Variants in MORC1 observed in about 807,000 individuals in gnomAD.
MORC1 encodes the protein MORC family CW-type zinc finger 1.
MORC1 carries 59 observed loss-of-function variants against 134.9 expected under a neutral mutation model. The observed-to-expected ratio is 0.44, with a 90% CI of 0.35 to 0.54. The LOEUF (loss-of-function observed/expected upper bound fraction) is 0.54, where lower values mean the gene tolerates loss of function less well. Ranked by LOEUF, MORC1 falls within the 20% of genes least tolerant of loss-of-function variation. The pLI is 0.00. For missense variants in MORC1, 947 were observed against 1,134.5 expected, an observed-to-expected ratio of 0.83 and a Z score of 2.37; for synonymous variants, 395 against 391.7, an observed-to-expected ratio of 1.01 and a Z score of -0.10.
In MORC1 at chr3:109,069,099, T is replaced by C. The variant is rs150690556; in HGVS notation, c.815+533A>G. ...TGAACCAGGGAGGCAGAGGTTGCACTGAACCAAGATTGTGCCACTGCACTC... is the reference window on the plus strand; with the variant it reads ...TGAACCAGGGAGGCAGAGGTTGCACCGAACCAAGATTGTGCCACTGCACTC... On this transcript the variant is annotated intron_variant, in intron 9 of 27. Transcript: ENST00000232603. 4.2e-3 allele frequency among the ~76,000 whole-genome samples: 640 copies of C among 152,288 alleles called. 1 individual carries two copies. Among genetic ancestry groups the C allele is most frequent in the African/African-American group, 5.0e-3 (209 of 41,564 alleles).
intron 1 of MORC1, 112 bp downstream of exon 1, chr3:109,117,883 T>A (rs548994711): frequency 1.1e-6 from 1 of 875,542 alleles, no homozygotes; most frequent in South Asian, 1.5e-5. Context: ...AATAAATAAA[T>A]AAATCCATAA....
At position 109,064,134 on chromosome 3, in the gene MORC1, T is replaced by C. The variant is rs114990747; in HGVS notation, c.816-903A>G. On this transcript the variant is annotated intron_variant, in intron 9 of 27. Coordinates refer to ENST00000232603, the MANE Select transcript of MORC1 (RefSeq NM_014429.4). ...TTATGTTTAAAAAAACCTGTGTGTG[T>C]ATGCATGCGTGTGTACATATATATA... 5.1e-3 allele frequency among the ~76,000 whole-genome samples: 775 copies of C among 152,232 alleles called. 16 individuals carry two copies. The highest frequency in any genetic ancestry group is 0.018 in the African/African-American group (743 of 41,554).
chr3:109,005,957 A>G (rs1948529797), intron 18 of MORC1, among the ~76,000 whole-genome samples: 2 of 152,074 alleles, frequency 1.3e-5, no homozygotes, highest in Admixed American at 6.6e-5. Flanking sequence ...CACATAAACC[A>G]CCAACATTTT....
At chr3:109,006,070 T>C (rs1488437166) in intron 18 of MORC1, among the ~76,000 whole-genome samples, 1 of 152,264 alleles carries the variant, frequency 6.6e-6, no homozygotes, top group Non-Finnish European at 1.5e-5. Context: ...GATGACATGT[T>C]ACAATCTATT....
chr3:109,007,960 T>C (rs1427919109), intron 17 of MORC1, among the ~76,000 whole-genome samples: 1 of 152,140 alleles, frequency 6.6e-6, no homozygotes, highest in Non-Finnish European at 1.5e-5. Context: ...TGTGTGTGTG[T>C]GTGTATACAT....
chr3:109,094,340 T>C (rs923285544), intron 7 of MORC1, among the ~76,000 whole-genome samples: 1 of 152,146 alleles, frequency 6.6e-6, no homozygotes, highest in Non-Finnish European at 1.5e-5. Flanking sequence ...CAAGGGAGAA[T>C]AGCATAGTAG....
intron 4 of MORC1, among the ~76,000 whole-genome samples, chr3:109,101,051 G>C (rs1301616644): frequency 6.6e-6 from 1 of 152,222 alleles, no homozygotes; most frequent in African/African-American, 2.4e-5. Context: ...TGTGGCCTTA[G>C]GTAGAGTTTA....
intron 23 of MORC1, among the ~76,000 whole-genome samples, chr3:108,982,702 A>C (rs1947769365): frequency 1.3e-5 from 2 of 149,178 alleles, no homozygotes. Flanking sequence ...CACGTTGTGC[A>C]CATGTACCCT....
Position 109,054,891 on chromosome 3 carries a change from A to C in MORC1, c.1176-9T>G. 6.3e-7 allele frequency: 1 copy of C among 1,585,058 alleles called. No homozygotes were observed. Among genetic ancestry groups the C allele is most frequent in the African/African-American group, 1.4e-5 (1 of 73,066 alleles). ...CCACGCCTGCGCCAAGTCTGAGAAA[A>C]TATATGCATATTTAAATTTTGAAAA... On this transcript the variant is annotated splice_polypyrimidine_tract_variant and intron_variant, in intron 13 of 27. Transcript: ENST00000232603.
chr3:109,095,500 G>A (rs1190761912), intron 6 of MORC1, among the ~76,000 whole-genome samples: 1 of 152,078 alleles, frequency 6.6e-6, no homozygotes, highest in African/African-American at 2.4e-5. Context: ...GTTGGGGTAG[G>A]GGGAGAAGAG....
intron 12 of MORC1, among the ~76,000 whole-genome samples, chr3:109,057,789 T>C (rs991642272): frequency 2.0e-5 from 3 of 152,228 alleles, no homozygotes; most frequent in Non-Finnish European, 2.9e-5. Flanking sequence ...TATAGGTACA[T>C]TGCAGCATTT....
chr3:109,015,958 C>T (rs1948808019), intron 17 of MORC1, among the ~76,000 whole-genome samples: 2 of 152,116 alleles, frequency 1.3e-5, no homozygotes. Flanking sequence ...GGAATATTTG[C>T]ATATATATAA....
intron 3 of MORC1, among the ~76,000 whole-genome samples, chr3:109,105,631 A>T (rs1951017338): frequency 6.6e-6 from 1 of 151,628 alleles, no homozygotes; most frequent in African/African-American, 2.4e-5. Context: ...GTAAGCTATG[A>T]TCACACCACT....
At chr3:109,010,962 C>T (rs531516910) in intron 17 of MORC1, among the ~76,000 whole-genome samples, 25 of 152,284 alleles carry the variant, frequency 1.6e-4, no homozygotes, top group African/African-American at 5.8e-4. Context: ...AGTATAAGCA[C>T]ACATGTACAA....
At chr3:109,110,888 G>C in intron 2 of MORC1, 105 bp from the exon 3 acceptor site, 1 of 775,110 alleles carries the variant, frequency 1.3e-6, no homozygotes, top group Non-Finnish European at 2.0e-6. Flanking sequence ...CACTTAAATT[G>C]CTTCAAAATC....
chr3:108,996,833 AC>A (rs1446210223), intron 21 of MORC1, among the ~76,000 whole-genome samples: 2 of 151,566 alleles, frequency 1.3e-5, no homozygotes, highest in Non-Finnish European at 2.9e-5. Flanking sequence ...ACATGGAGAA[AC>A]CCTGTGTCTA....
chr3:108,999,082 G>A (rs1948320789), intron 21 of MORC1, among the ~76,000 whole-genome samples: 1 of 152,218 alleles, frequency 6.6e-6, no homozygotes, highest in African/African-American at 2.4e-5. Flanking sequence ...CTTTGAAGAG[G>A]TCAAGAGAGG....
At chr3:108,976,251 TCCAAAGTGAC>T (rs1425796851) in intron 24 of MORC1, among the ~76,000 whole-genome samples, 1 of 152,170 alleles carries the variant, frequency 6.6e-6, no homozygotes, top group Non-Finnish European at 1.5e-5. Flanking sequence ...TGACGTCACG[TCCAAAGTGAC>T]CCAAATGGAG....
At chr3:109,098,634 A>T (rs1414601278) in intron 6 of MORC1, among the ~76,000 whole-genome samples, 1 of 152,124 alleles carries the variant, frequency 6.6e-6, no homozygotes, top group Non-Finnish European at 1.5e-5. Context: ...CTCTCCATCC[A>T]TATCATTGCT....
Sources: allele counts gnomAD v4.1 joint callset (sites outside exome capture counted in the v4.1 genomes callset), GRCh38; gene constraint gnomAD v4.1.1; transcripts MANE v1.5; gene names NCBI Gene and HGNC (gene_info 2026-07-23, HGNC 2026-07-21).